The following COMMD1 variants were observed in gnomAD, a reference collection of about 807,000 sequenced individuals.
COMMD1 encodes copper metabolism domain containing 1.
In COMMD1, 10 loss-of-function variants were observed where a neutral mutation model predicts 17.2. The ratio of observed to expected loss-of-function variants is 0.58; its 90% CI spans 0.36 to 0.99. COMMD1 has a LOEUF of 0.99. Ranked by LOEUF, COMMD1 falls within the 50% of genes least tolerant of loss-of-function variation. The probability of loss-of-function intolerance (pLI) is 0.01; values close to 1 mark genes in which losing one functional copy is unlikely to be tolerated. For missense variants in COMMD1, 270 were observed against 231.8 expected (o/e 1.17, Z -1.07); for synonymous variants, 97 against 91.6 (o/e 1.06, Z -0.34).
At chr2:62,044,560 C>T (rs1294853004) in intron 2 of COMMD1, among the ~76,000 whole-genome samples, 1 of 152,108 alleles carries the variant, frequency 6.6e-6, no homozygotes, top group Non-Finnish European at 1.5e-5. Context: ...AGTGCCTTTC[C>T]TCCAAAAAAG....
intron 1 of COMMD1, among the ~76,000 whole-genome samples, chr2:61,982,722 A>T (rs977235948): frequency 6.6e-6 from 1 of 151,834 alleles, no homozygotes; most frequent in Non-Finnish European, 1.5e-5. Context: ...GTTTTTTTTG[A>T]CAGTTTTCAT....
chr2:61,928,413 A>G (rs530814756), intron 1 of COMMD1, among the ~76,000 whole-genome samples: 2 of 152,130 alleles, frequency 1.3e-5, no homozygotes, highest in African/African-American at 4.8e-5. Context: ...CGCCCACCTT[A>G]GCCTCCTAAA....
At chr2:62,076,857 C>T (rs953643643) in intron 2 of COMMD1, among the ~76,000 whole-genome samples, 1 of 152,070 alleles carries the variant, frequency 6.6e-6, no homozygotes, top group Admixed American at 6.5e-5. Flanking sequence ...TTAGGTCAGG[C>T]ACAGTGGCTC....
chr2:61,983,600 C>G (rs1168828928), intron 1 of COMMD1, among the ~76,000 whole-genome samples: 1 of 152,122 alleles, frequency 6.6e-6, no homozygotes. Flanking sequence ...GGAATTTATC[C>G]ATTTCTTCTA....
intron 2 of COMMD1, among the ~76,000 whole-genome samples, chr2:62,057,927 T>C (rs1472730782): frequency 6.6e-6 from 1 of 152,172 alleles, no homozygotes; most frequent in Non-Finnish European, 1.5e-5. Flanking sequence ...TTTATTTTGT[T>C]TTTATTTTTA....
intron 1 of COMMD1, among the ~76,000 whole-genome samples, chr2:61,907,426 A>G (rs1439124252): frequency 2.0e-5 from 3 of 152,096 alleles, no homozygotes; most frequent in Non-Finnish European, 4.4e-5. Flanking sequence ...ATTTCTATCA[A>G]ATTTTACTCT....
intron 2 of COMMD1, among the ~76,000 whole-genome samples, chr2:62,130,800 A>G (rs1307079068): frequency 1.3e-5 from 2 of 152,244 alleles, no homozygotes; most frequent in Non-Finnish European, 2.9e-5. Context: ...GGAGGTTTTT[A>G]AAATGGACAA....
intron 1 of COMMD1, among the ~76,000 whole-genome samples, chr2:61,944,481 G>T (rs1023781293): frequency 1.5e-4 from 23 of 151,968 alleles, no homozygotes; most frequent in African/African-American, 5.5e-4. Flanking sequence ...AATAATAATA[G>T]TAAGAATGCA....
chr2:61,893,469 GTTTT>G (rs1669481906), intron 1 of COMMD1, among the ~76,000 whole-genome samples: 1 of 151,952 alleles, frequency 6.6e-6, no homozygotes, highest in Non-Finnish European at 1.5e-5. Flanking sequence ...AAACAGCCAG[GTTTT>G]CTATCGAAAA....
At chr2:62,125,006 G>A (rs745530299) in intron 2 of COMMD1, among the ~76,000 whole-genome samples, 4 of 152,180 alleles carry the variant, frequency 2.6e-5, no homozygotes, top group Non-Finnish European at 5.9e-5. Context: ...AAGAATTTAT[G>A]GGAATGCAGG....
chr2:61,925,707 C>G (rs943258613), intron 1 of COMMD1, among the ~76,000 whole-genome samples: 1 of 152,168 alleles, frequency 6.6e-6, no homozygotes, highest in Non-Finnish European at 1.5e-5. Flanking sequence ...AACAGTAGGA[C>G]TTGCCTGCTG....
rs567703428 is a variant in COMMD1 at position 61,957,682 on chromosome 2, A to C, written c.181-43019A>C. 1.1e-4 allele frequency among the ~76,000 whole-genome samples: 16 copies of C among 152,332 alleles called. No individual in the cohort carries two copies. The East Asian group carries it at 3.1e-3, about 29-fold the overall frequency. On this transcript the variant is annotated intron_variant, in intron 1 of 2. Transcript: ENST00000311832. ...TATAAAGAAAGGAAAAGGACATGCC[A>C]CCCGCTGGTGTTTTACTGAGTTTCT...
At chr2:62,074,190 T>C (rs1323032834) in intron 2 of COMMD1, among the ~76,000 whole-genome samples, 2 of 152,184 alleles carry the variant, frequency 1.3e-5, no homozygotes, top group African/African-American at 4.8e-5. Flanking sequence ...GGAAGCTCCA[T>C]TGAGACTCTC....
At chr2:61,935,870 G>A (rs1670595007) in intron 1 of COMMD1, among the ~76,000 whole-genome samples, 1 of 151,710 alleles carries the variant, frequency 6.6e-6, no homozygotes, top group Non-Finnish European at 1.5e-5. Context: ...AGGCTGGAGT[G>A]CAGTGGAGCT....
At chr2:61,902,906 A>C (rs1443473474), upstream of COMMD1, among the ~76,000 whole-genome samples, 1 of 152,182 alleles carries the variant, frequency 6.6e-6, no homozygotes, top group Non-Finnish European at 1.5e-5. Context: ...GGTTTCATAG[A>C]AATAGGTGCA....
At chr2:62,029,725 CTG>C (rs1311996871) in intron 2 of COMMD1, among the ~76,000 whole-genome samples, 1 of 152,178 alleles carries the variant, frequency 6.6e-6, no homozygotes, top group African/African-American at 2.4e-5. Flanking sequence ...TCTCTGACAC[CTG>C]TATTTCCTGT....
chr2:61,902,020 A>G (rs1015438118), upstream of COMMD1, among the ~76,000 whole-genome samples: 2 of 151,824 alleles, frequency 1.3e-5, no homozygotes, highest in Admixed American at 1.3e-4. Context: ...TTTAGTAGAG[A>G]TGAAGTTTCA....
intron 2 of COMMD1, among the ~76,000 whole-genome samples, chr2:62,110,190 C>T (rs1672419729): frequency 6.6e-6 from 1 of 152,042 alleles, no homozygotes; most frequent in African/African-American, 2.4e-5. Context: ...CCACCTCAGC[C>T]TCCTGAGTAT....
intron 2 of COMMD1, among the ~76,000 whole-genome samples, chr2:62,050,445 A>G (rs891352992): frequency 6.6e-6 from 1 of 152,206 alleles, no homozygotes; most frequent in Non-Finnish European, 1.5e-5. Flanking sequence ...AGCGCCAATT[A>G]AAAATGTTCT....
Sources: gnomAD v4.1 joint callset for allele counts (sites outside exome capture counted in the v4.1 genomes callset) on GRCh38, gnomAD v4.1.1 for gene constraint, MANE v1.5 for transcripts, NCBI Gene and HGNC (gene_info 2026-07-23, HGNC 2026-07-21) for gene names.